SGCD: variants seen among roughly 807,000 people sequenced by gnomAD.
SGCD encodes the protein delta-sarcoglycan.
Under a neutral mutation model 36.6 loss-of-function variants are expected in SGCD, and 18 were observed. The ratio of observed to expected loss-of-function variants is 0.49; its 90% CI spans 0.34 to 0.73. The LOEUF is 0.73. SGCD is among the 30% of genes least tolerant of loss of function. SGCD has a pLI of 0.01. For synonymous variants in SGCD, 133 were observed against 130.6 expected (o/e 1.02, Z -0.12); for missense variants, 387 against 346.7 (o/e 1.12, Z -0.92).
chr5:155,857,631 G>A, the SGCD span, among the ~76,000 whole-genome samples: 1 of 152,316 alleles, frequency 6.6e-6, no homozygotes, highest in Non-Finnish European at 1.5e-5. Flanking sequence ...TCACTGGGAA[G>A]TGGGGGTGGG....
chr5:156,194,771 C>T (rs1486587782), intron 3 of SGCD, among the ~76,000 whole-genome samples: 2 of 152,004 alleles, frequency 1.3e-5, no homozygotes, highest in African/African-American at 4.8e-5. Context: ...AGTTCTGGTT[C>T]TGCTTTTACT....
At chr5:156,494,631 C>T (rs557161010) in intron 3 of SGCD, among the ~76,000 whole-genome samples, 2 of 152,132 alleles carry the variant, frequency 1.3e-5, no homozygotes, top group South Asian at 4.2e-4. Context: ...CCGTCATTGC[C>T]CTGCTTAACG....
At chr5:155,734,781 A>C in the SGCD span, among the ~76,000 whole-genome samples, 1 of 152,340 alleles carries the variant, frequency 6.6e-6, no homozygotes, top group South Asian at 2.1e-4. Context: ...AGGATGTTTC[A>C]TAGATCCATC....
In SGCD at chr5:156,765,182, A is replaced by G. The variant is rs1382859935; in HGVS notation, c.*5792A>G. On this transcript the variant is annotated 3_prime_UTR_variant, in exon 9 of 9. Transcript: ENST00000337851. ...TTGTCTAATAGTCCCTCACTTTCCAATGGCTTCACATCCTACTTCTACATT... is the reference window on the plus strand; with the variant it reads ...TTGTCTAATAGTCCCTCACTTTCCAGTGGCTTCACATCCTACTTCTACATT... The G allele has an allele frequency of 1.3e-5, 2 of 152,178 alleles. No homozygotes were observed. The highest frequency in any genetic ancestry group is 2.4e-5 in the African/African-American group (1 of 41,444). The allele number at this position is 152,178 out of a possible 1,614,324, so 9.4% of individuals were successfully genotyped here. A position where few individuals can be genotyped will look rare whatever the true frequency, so the allele number is the denominator to read the frequency against.
At chr5:156,665,180 C>A (rs961192171) in intron 7 of SGCD, among the ~76,000 whole-genome samples, 1 of 152,204 alleles carries the variant, frequency 6.6e-6, no homozygotes, top group Non-Finnish European at 1.5e-5. Context: ...TTTTCTTTAA[C>A]CTGCTTTTGA....
At chr5:155,868,210 C>G (rs1226381358), upstream of SGCD, among the ~76,000 whole-genome samples, 7 of 151,964 alleles carry the variant, frequency 4.6e-5, no homozygotes, top group Admixed American at 4.6e-4. Flanking sequence ...TACCATCATG[C>G]CTGGCTAATT....
chr5:156,342,060 A>G (rs975258173), intron 2 of SGCD, among the ~76,000 whole-genome samples: 38 of 152,208 alleles, frequency 2.5e-4, no homozygotes, highest in Non-Finnish European at 4.0e-4. Flanking sequence ...ATGTGCATCC[A>G]GGGCTGAGAA....
At chr5:156,278,289 G>C (rs150231255) in intron 3 of SGCD, among the ~76,000 whole-genome samples, 3 of 152,120 alleles carry the variant, frequency 2.0e-5, no homozygotes, top group African/African-American at 7.2e-5. Flanking sequence ...TAAAGGAGTG[G>C]AATGTTATTG....
intron 4 of SGCD, among the ~76,000 whole-genome samples, chr5:156,518,969 C>G (rs575019854): frequency 6.6e-6 from 1 of 151,942 alleles, no homozygotes; most frequent in East Asian, 1.9e-4. Flanking sequence ...AAACAAACCC[C>G]TAAGCTAGCA....
chr5:156,671,183 A>AAAAG (rs775180767), intron 7 of SGCD, among the ~76,000 whole-genome samples: 8 of 151,512 alleles, frequency 5.3e-5, no homozygotes, highest in Non-Finnish European at 1.0e-4. Context: ...CATTAAAAAA[A>AAAAG]AAAGAAAGAA....
At chr5:155,861,438 C>T in the SGCD span, among the ~76,000 whole-genome samples, 35 of 152,142 alleles carry the variant, frequency 2.3e-4, no homozygotes, top group Non-Finnish European at 4.0e-4. Flanking sequence ...CACGGTGGCT[C>T]ACTCCTGTAA....
intron 1 of SGCD, among the ~76,000 whole-genome samples, chr5:155,989,374 A>G (rs1425881607): frequency 6.6e-6 from 1 of 152,190 alleles, no homozygotes; most frequent in Non-Finnish European, 1.5e-5. Context: ...TTGTTCAACC[A>G]CTTAAAATGT....
chr5:156,392,721 G>A (rs10036164), intron 3 of SGCD, among the ~76,000 whole-genome samples: 102,550 of 152,002 alleles, frequency 0.67, 35,037 homozygotes, highest in Middle Eastern at 0.85. Context: ...CTCTCAGCAG[G>A]TAGGGTAGCC....
intron 1 of SGCD, among the ~76,000 whole-genome samples, chr5:155,904,948 G>A (rs780396316): frequency 5.2e-4 from 79 of 152,206 alleles, no homozygotes; most frequent in East Asian, 1.9e-4. Flanking sequence ...GTGAGTCTCC[G>A]TTTCTTCTTC....
At position 156,644,020 on chromosome 5, in the gene SGCD, T is replaced by C. The variant is rs977730501; in HGVS notation, c.503-3444T>C. 2.6e-5 allele frequency among the ~76,000 whole-genome samples: 4 copies of C among 152,186 alleles called. No homozygotes were observed. The East Asian group carries it at 5.8e-4, about 22-fold the overall frequency. Reference sequence around the variant, plus strand: ...ATCATAATTATATCAATATTAATCATGTTCATCAGGAAAAAATTTACCAAA... The same window carrying C: ...ATCATAATTATATCAATATTAATCACGTTCATCAGGAAAAAATTTACCAAA... On this transcript the variant is annotated intron_variant, in intron 6 of 8. Coordinates refer to ENST00000337851, the MANE Select transcript of SGCD (RefSeq NM_000337.6).
At chr5:155,922,109 T>C (rs1756890760) in intron 1 of SGCD, among the ~76,000 whole-genome samples, 1 of 152,240 alleles carries the variant, frequency 6.6e-6, no homozygotes, top group Admixed American at 6.5e-5. Flanking sequence ...TTGAAAATAC[T>C]AACTAGCTCT....
At chr5:156,619,835 C>G (rs1215546071) in intron 6 of SGCD, among the ~76,000 whole-genome samples, 1 of 152,188 alleles carries the variant, frequency 6.6e-6, no homozygotes, top group Non-Finnish European at 1.5e-5. Flanking sequence ...AAAATATTCT[C>G]TTACGCTCCT....
the SGCD span, among the ~76,000 whole-genome samples, chr5:155,778,866 T>G: frequency 6.6e-6 from 1 of 152,204 alleles, no homozygotes; most frequent in Admixed American, 6.5e-5. Context: ...TGCTACTTTA[T>G]GTCTTTGGCA....
At position 156,763,279 on chromosome 5, in the gene SGCD, T is replaced by C. The variant is rs1196560235; in HGVS notation, c.*3889T>C. On this transcript the variant is annotated 3_prime_UTR_variant, in exon 9 of 9. Coordinates refer to ENST00000337851, the MANE Select transcript of SGCD (RefSeq NM_000337.6). ...CTCCCATAGTCTAGAGGGATGCCCA[T>C]TCCATGGTCCTCCAGAGAATAGTTT... 2.0e-5 allele frequency: 3 copies of C among 152,630 alleles called. No individual in the cohort carries two copies. Among genetic ancestry groups the C allele is most frequent in the Non-Finnish European group, 2.9e-5 (2 of 68,042 alleles). The allele number at this position is 152,630 out of a possible 1,614,324, so 9.5% of individuals were successfully genotyped here.
Sources: gnomAD v4.1 joint callset for allele counts (sites outside exome capture counted in the v4.1 genomes callset) on GRCh38, gnomAD v4.1.1 for gene constraint, MANE v1.5 for transcripts, NCBI Gene and HGNC (gene_info 2026-07-23, HGNC 2026-07-21) for gene names.